DOCK1: variants seen among roughly 807,000 people sequenced by gnomAD.
The protein encoded by DOCK1 is dedicator of cytokinesis 1.
In DOCK1, 138 loss-of-function variants were observed where a neutral mutation model predicts 262.7. The ratio of observed to expected loss-of-function variants is 0.53; its 90% CI spans 0.46 to 0.61. The LOEUF (loss-of-function observed/expected upper bound fraction) is 0.61, where lower values mean the gene tolerates loss of function less well. Among genes scored for constraint, DOCK1 ranks in the 20% least tolerant of loss-of-function variants. The pLI, the probability that DOCK1 is intolerant of heterozygous loss-of-function variation, is 0.00. For synonymous variants in DOCK1, 866 were observed against 867.4 expected (o/e 1.00, Z 0.03); for missense variants, 1,908 against 2,370.7 (o/e 0.80, Z 4.05).
At chr10:127,363,729 C>A (rs543599769) in intron 33 of DOCK1, among the ~76,000 whole-genome samples, 2 of 152,264 alleles carry the variant, frequency 1.3e-5, no homozygotes, top group East Asian at 3.9e-4. Context: ...TTCATCATAT[C>A]ACATGAAGGC....
At chr10:127,062,819 C>T (rs2045619047) in intron 23 of DOCK1, among the ~76,000 whole-genome samples, 1 of 152,226 alleles carries the variant, frequency 6.6e-6, no homozygotes, top group Non-Finnish European at 1.5e-5. Flanking sequence ...GGTGGTGAAC[C>T]TTCATGCTTC....
intron 27 of DOCK1, among the ~76,000 whole-genome samples, chr10:127,209,954 G>T (rs1361812335): frequency 2.6e-5 from 4 of 152,132 alleles, no homozygotes; most frequent in Non-Finnish European, 5.9e-5. Context: ...AAGGCTGCAG[G>T]AGTTGGTAAG....
chr10:126,911,419 T>G (rs2031742290), intron 1 of DOCK1, among the ~76,000 whole-genome samples: 1 of 152,182 alleles, frequency 6.6e-6, no homozygotes, highest in South Asian at 2.1e-4. Context: ...AGGGAAGGAC[T>G]TTGATCCAGT....
chr10:127,071,615 T>C (rs1230332440), intron 23 of DOCK1, among the ~76,000 whole-genome samples: 1 of 152,208 alleles, frequency 6.6e-6, no homozygotes, highest in Non-Finnish European at 1.5e-5. Flanking sequence ...TCACAACACC[T>C]TTCCATTATT....
intron 18 of DOCK1, among the ~76,000 whole-genome samples, chr10:127,036,035 T>TAAAGAAAGAAAG (rs1326987253): frequency 5.4e-5 from 8 of 149,372 alleles, no homozygotes; most frequent in African/African-American, 1.8e-4. Flanking sequence ...AATAAATAAA[T>TAAAGAAAGAAAG]AAATAAATAA....
chr10:127,367,828 G>C (rs1297938484), intron 33 of DOCK1, among the ~76,000 whole-genome samples: 3 of 152,096 alleles, frequency 2.0e-5, no homozygotes, highest in Admixed American at 2.0e-4. Context: ...TTTGTGTACG[G>C]CCAGGAGGCT....
chr10:127,259,587 T>C (rs1004088809), intron 29 of DOCK1, among the ~76,000 whole-genome samples: 9 of 152,076 alleles, frequency 5.9e-5, no homozygotes, highest in African/African-American at 1.9e-4. Flanking sequence ...ACCTCTTGAC[T>C]CCTCTACGTG....
At chr10:127,250,900 A>G (rs2059612422) in intron 28 of DOCK1, among the ~76,000 whole-genome samples, 1 of 151,628 alleles carries the variant, frequency 6.6e-6, no homozygotes, top group Admixed American at 6.6e-5. Flanking sequence ...ATCTGACAGA[A>G]CTTTTGTAAA....
chr10:126,959,565 G>A (rs905420272), intron 1 of DOCK1, among the ~76,000 whole-genome samples: 17 of 152,202 alleles, frequency 1.1e-4, no homozygotes, highest in Non-Finnish European at 2.5e-4. Flanking sequence ...GAGACCCTCT[G>A]ACGTGCCAGG....
chr10:126,930,493 C>A (rs1412452482), intron 1 of DOCK1, among the ~76,000 whole-genome samples: 1 of 152,216 alleles, frequency 6.6e-6, no homozygotes, highest in Non-Finnish European at 1.5e-5. Flanking sequence ...GGTGCCCTTC[C>A]CGGGTGGGTT....
intron 17 of DOCK1, 65 bp from the exon 18 acceptor site, chr10:127,032,072 G>T (rs2275534): frequency 3.9e-6 from 6 of 1,541,996 alleles, no homozygotes; most frequent in Non-Finnish European, 5.3e-6. Context: ...ATAACAAAGG[G>T]TGGCAAAAAT....
At chr10:127,020,905 C>T (rs753928814) in intron 13 of DOCK1, among the ~76,000 whole-genome samples, 10 of 152,164 alleles carry the variant, frequency 6.6e-5, no homozygotes, top group Admixed American at 3.3e-4. Context: ...CATCACCCAG[C>T]GGCCTGCTCT....
intron 27 of DOCK1, among the ~76,000 whole-genome samples, chr10:127,231,585 A>C (rs2058843934): frequency 6.6e-6 from 1 of 152,078 alleles, no homozygotes; most frequent in Admixed American, 6.6e-5. Flanking sequence ...ATGCCTGGCT[A>C]AACACATTTC....
intron 3 of DOCK1, among the ~76,000 whole-genome samples, chr10:126,981,304 G>A (rs1044491702): frequency 2.0e-5 from 3 of 152,174 alleles, no homozygotes; most frequent in Admixed American, 6.5e-5. Context: ...TGAATGTCCT[G>A]TTGAGAAACT....
At chr10:127,122,914 C>T (rs2049699637) in intron 25 of DOCK1, among the ~76,000 whole-genome samples, 1 of 152,156 alleles carries the variant, frequency 6.6e-6, no homozygotes, top group Non-Finnish European at 1.5e-5. Flanking sequence ...ACTCAATTAG[C>T]TCTGAGAATA....
chr10:127,435,379 A>G (rs2069615594), intron 48 of DOCK1, among the ~76,000 whole-genome samples: 2 of 152,140 alleles, frequency 1.3e-5, no homozygotes, highest in African/African-American at 4.8e-5. Flanking sequence ...CTCAACTCGG[A>G]TTGCCCTTTG....
chr10:127,285,374 C>T (rs111603950), intron 29 of DOCK1, among the ~76,000 whole-genome samples: 52 of 152,238 alleles, frequency 3.4e-4, no homozygotes, highest in Non-Finnish European at 6.2e-4. Context: ...TCCTTTTGTG[C>T]GAAGGAAATT....
intron 29 of DOCK1, among the ~76,000 whole-genome samples, chr10:127,315,910 G>A (rs1590405558): frequency 6.6e-6 from 1 of 152,166 alleles, no homozygotes; most frequent in South Asian, 2.1e-4. Context: ...TGTTGCCCAG[G>A]CTGGTCTCAA....
chr10:127,082,121 T>C (rs1440707546), intron 23 of DOCK1, among the ~76,000 whole-genome samples: 1 of 152,186 alleles, frequency 6.6e-6, no homozygotes, highest in African/African-American at 2.4e-5. Flanking sequence ...CGCCTCAGGC[T>C]GGGGAAGGTT....
Sources: gnomAD v4.1 joint callset for allele counts (sites outside exome capture counted in the v4.1 genomes callset) on GRCh38, gnomAD v4.1.1 for gene constraint, MANE v1.5 for transcripts, NCBI Gene and HGNC (gene_info 2026-07-23, HGNC 2026-07-21) for gene names.